The following TCF20 variants were observed in gnomAD, a reference collection of about 807,000 sequenced individuals.
TCF20 encodes SPRE-binding protein.
In TCF20, 3 loss-of-function variants were observed where a neutral mutation model predicts 148.6. The observed-to-expected ratio is 0.02, with a 90% CI of 0.01 to 0.05. The LOEUF is 0.05. Ranked by LOEUF, TCF20 falls within the 10% of genes least tolerant of loss-of-function variation. The pLI is 1.00. For missense variants in TCF20, 2,350 were observed against 2,429.3 expected (o/e 0.97, Z 0.69); for synonymous variants, 1,049 against 909.5 (o/e 1.15, Z -2.76).
rs1418441938 is a variant in TCF20 at position 42,317,394 on chromosome 22, C to T, written c.-37+26085G>A. ...TATGTGTGTGGTGGGGAAGGAGGGGCGGCGCTGGGTGACGGAGCTTCGATT... is the reference window on the plus strand; with the variant it reads ...TATGTGTGTGGTGGGGAAGGAGGGGTGGCGCTGGGTGACGGAGCTTCGATT... On this transcript the variant is annotated intron_variant, in intron 1 of 1. Transcript: ENST00000515426. This position sits in a 1 kb window ranked among gnomAD's most constrained non-coding sequence, Gnocchi z 4.2. 2.6e-5 allele frequency among the ~76,000 whole-genome samples: 4 copies of T among 152,244 alleles called. No homozygotes were observed. The highest frequency in any genetic ancestry group is 7.2e-5 in the African/African-American group (3 of 41,514).
chr22:42,262,932 C>T (rs1926103696), intron 1 of TCF20, among the ~76,000 whole-genome samples: 1 of 152,130 alleles, frequency 6.6e-6, no homozygotes, highest in African/African-American at 2.4e-5. Context: ...ACCAGCCCTG[C>T]TCTTAGACAC....
intron 1 of TCF20, among the ~76,000 whole-genome samples, chr22:42,305,873 C>T (rs1330687989): frequency 6.8e-6 from 1 of 147,358 alleles, no homozygotes; most frequent in Admixed American, 6.7e-5. Context: ...AGCTGGAGGG[C>T]AGGAAAAGCC....
rs568487051 is a variant in TCF20 at position 42,301,975 on chromosome 22, C to T, written c.-37+41504G>A. 5.3e-5 allele frequency among the ~76,000 whole-genome samples: 8 copies of T among 152,338 alleles called. No individual in the cohort carries two copies. The East Asian group carries it at 1.5e-3, about 29-fold the overall frequency. On this transcript the variant is annotated intron_variant, in intron 1 of 1. Transcript: ENST00000515426. ...GCTGGACGACCTCAGGCAGGTCCCT[C>T]AACCTAAGCCCCCAGAGGAAAGGCC... is the stretch of plus-strand genomic sequence containing the variant.
intron 2 of TCF20, 118 bp from the exon 3 acceptor site, chr22:42,179,820 G>A (rs187161368): frequency 2.3e-5 from 16 of 687,340 alleles, no homozygotes; most frequent in Middle Eastern, 2.8e-4. Context: ...AGAGGAGTCC[G>A]TGGTGGCAGG....
At chr22:42,315,947 C>T (rs1927621651) in intron 1 of TCF20, among the ~76,000 whole-genome samples, 1 of 151,514 alleles carries the variant, frequency 6.6e-6, no homozygotes, top group African/African-American at 2.4e-5. Context: ...AATCCCGTCT[C>T]TATTAAAAAT....
At chr22:42,261,603 T>C (rs1926031373) in intron 1 of TCF20, among the ~76,000 whole-genome samples, 2 of 152,178 alleles carry the variant, frequency 1.3e-5, no homozygotes, top group Admixed American at 6.5e-5. Flanking sequence ...ACATTCCTCC[T>C]TGCCCCATCC....
At chr22:42,243,106 T>C (rs772815110) in intron 1 of TCF20, among the ~76,000 whole-genome samples, 5 of 151,580 alleles carry the variant, frequency 3.3e-5, no homozygotes, top group African/African-American at 4.8e-5. Context: ...AACAATTCTG[T>C]ATAATACTGT....
At chr22:42,170,626 C>CAAAAAAAAAAAAAAAAA (rs58579686) in intron 3 of TCF20, among the ~76,000 whole-genome samples, 49 of 72,096 alleles carry the variant, frequency 6.8e-4, no homozygotes, top group African/African-American at 9.8e-4. Context: ...GACTCCGTCT[C>CAAAAAAAAAAAAAAAAA]AAAAAAAAAA....
chr22:42,252,111 A>ATT (rs141467897), intron 1 of TCF20, among the ~76,000 whole-genome samples: 18 of 148,910 alleles, frequency 1.2e-4, no homozygotes, highest in Non-Finnish European at 2.4e-4. Flanking sequence ...CTCTACCTGT[A>ATT]TTTTTTTTTG....
At chr22:42,303,135 G>A (rs1927368615) in intron 1 of TCF20, among the ~76,000 whole-genome samples, 1 of 152,226 alleles carries the variant, frequency 6.6e-6, no homozygotes, top group Admixed American at 6.5e-5. Context: ...TCACCATGTT[G>A]GCCAGGCTGG....
chr22:42,197,151 A>G (rs945986375), intron 2 of TCF20, among the ~76,000 whole-genome samples: 3 of 152,094 alleles, frequency 2.0e-5, no homozygotes, highest in Admixed American at 6.5e-5. Flanking sequence ...ATGAGGACAC[A>G]ATTCTAAGGC....
upstream of TCF20, among the ~76,000 whole-genome samples, chr22:42,270,747 CGGGGGCGGGGCGCT>C (rs910035967): frequency 1.2e-4 from 13 of 112,980 alleles, no homozygotes; most frequent in East Asian, 1.0e-3. Flanking sequence ...GGGCGCGCGG[CGGGGGCGGGGCGCT>C]GGGGGCGGGG....
intron 3 of TCF20, among the ~76,000 whole-genome samples, chr22:42,174,650 G>A (rs1936326632): frequency 1.3e-5 from 2 of 152,182 alleles, no homozygotes; most frequent in South Asian, 4.1e-4. Context: ...CCAGCTAGTT[G>A]GGAGGATCGC....
At chr22:42,324,819 G>A (rs1927844280) in intron 1 of TCF20, among the ~76,000 whole-genome samples, 1 of 152,216 alleles carries the variant, frequency 6.6e-6, no homozygotes, top group Non-Finnish European at 1.5e-5. Context: ...CAATCTCCCA[G>A]CAGCCTGGGG....
intron 1 of TCF20, 146 bp from the exon 2 acceptor site, chr22:42,215,487 T>TG: frequency 8.9e-7 from 1 of 1,121,436 alleles, no homozygotes; most frequent in South Asian, 1.9e-5. Flanking sequence ...TTTGGTTTTT[T>TG]GAGACAAGAG....
At chr22:42,270,010 C>G (rs751225743) in intron 1 of TCF20, 1 of 152,656 alleles carries the variant, frequency 6.6e-6, no homozygotes, top group Non-Finnish European at 1.5e-5. Context: ...CACCCAAGGC[C>G]TCGCGCGACC....
rs932411753 is a variant in TCF20, at chr22:42,297,384, A to T, written c.-37+46095T>A. On this transcript the variant is annotated intron_variant, in intron 1 of 1. Coordinates refer to the TCF20 transcript ENST00000515426. This position sits in a 1 kb window ranked among gnomAD's most constrained non-coding sequence, Gnocchi z 4.3. ...CGGCAAGAATGAGGAGTGGGTCCTCATTTGCATTAGACGGTAAATCTAAGG... is the reference window on the plus strand; with the variant it reads ...CGGCAAGAATGAGGAGTGGGTCCTCTTTTGCATTAGACGGTAAATCTAAGG... Among the ~76,000 whole-genome samples the T allele has an allele frequency of 6.6e-6, 1 of 152,202 alleles. No homozygotes were observed. Among genetic ancestry groups the T allele is most frequent in the Non-Finnish European group, 1.5e-5 (1 of 68,042 alleles).
At chr22:42,178,793 T>C (rs970529115) in intron 3 of TCF20, among the ~76,000 whole-genome samples, 8 of 151,706 alleles carry the variant, frequency 5.3e-5, no homozygotes, top group Non-Finnish European at 8.8e-5. Flanking sequence ...TTAGCCAGGC[T>C]GGTCTTGAAC....
At chr22:42,164,523 T>G (rs1430554428) in intron 5 of TCF20, among the ~76,000 whole-genome samples, 1 of 152,198 alleles carries the variant, frequency 6.6e-6, no homozygotes, top group Non-Finnish European at 1.5e-5. Flanking sequence ...GTGCCCGGCC[T>G]GGGATGCACT....
Sources: allele counts gnomAD v4.1 joint callset (sites outside exome capture counted in the v4.1 genomes callset), GRCh38; gene constraint gnomAD v4.1.1; non-coding constraint Gnocchi (gnomAD v3.1); transcripts MANE v1.5; gene names NCBI Gene and HGNC (gene_info 2026-07-23, HGNC 2026-07-21).